Variants in STK3 observed in about 807,000 individuals in gnomAD.
The protein encoded by STK3 is serine/threonine-protein kinase 3.
Under a neutral mutation model 58.0 loss-of-function variants are expected in STK3, and 41 were observed. The ratio of observed to expected loss-of-function variants is 0.71; its 90% confidence interval spans 0.55 to 0.92. The LOEUF (loss-of-function observed/expected upper bound fraction) is 0.92. Ranked by LOEUF, STK3 falls within the 40% of genes least tolerant of loss-of-function variation. The probability of loss-of-function intolerance (pLI) is 0.00; values close to 1 mark genes in which losing one functional copy is unlikely to be tolerated. For missense variants in STK3, 479 were observed against 602.7 expected (o/e 0.79, Z 2.15); for synonymous variants, 170 against 191.0 (o/e 0.89, Z 0.91).
intron 6 of STK3, among the ~76,000 whole-genome samples, chr8:98,641,802 C>T (rs1313622025): frequency 1.3e-5 from 2 of 152,174 alleles, no homozygotes; most frequent in Non-Finnish European, 2.9e-5. Flanking sequence ...CTGAGTACAA[C>T]ATCACAAGGA....
intron 8 of STK3, among the ~76,000 whole-genome samples, chr8:98,569,617 T>G (rs1812790707): frequency 6.6e-6 from 1 of 152,016 alleles, no homozygotes; most frequent in Admixed American, 6.6e-5. Context: ...ACAACAACAG[T>G]AACAAAAACG....
At chr8:98,844,372 A>G (rs1836113918) in intron 3 of STK3, among the ~76,000 whole-genome samples, 1 of 152,206 alleles carries the variant, frequency 6.6e-6, no homozygotes, top group African/African-American at 2.4e-5. Context: ...ATATGATGTC[A>G]TTCTAGCCAA....
At chr8:98,941,669 G>C (rs914106019) in intron 1 of STK3, among the ~76,000 whole-genome samples, 1 of 152,206 alleles carries the variant, frequency 6.6e-6, no homozygotes, top group Admixed American at 6.5e-5. Context: ...TGGGTGGGCC[G>C]GGGGGCAGGG....
chr8:98,467,489 G>A (rs1251812055), intron 10 of STK3, among the ~76,000 whole-genome samples: 3 of 151,880 alleles, frequency 2.0e-5, no homozygotes, highest in Non-Finnish European at 4.4e-5. Flanking sequence ...TAACAATTTT[G>A]TGGTAACAGA....
intron 6 of STK3, among the ~76,000 whole-genome samples, chr8:98,624,612 G>T (rs1818572986): frequency 6.6e-6 from 1 of 152,190 alleles, no homozygotes; most frequent in Non-Finnish European, 1.5e-5. Context: ...AGCACTTTGG[G>T]AGACCAAGGC....
chr8:98,864,708 C>T (rs1837067535), intron 3 of STK3, among the ~76,000 whole-genome samples: 1 of 152,162 alleles, frequency 6.6e-6, no homozygotes, highest in South Asian at 2.1e-4. Context: ...ACTTGTTTAT[C>T]TGCTACATCA....
In STK3 at chr8:98,590,224, G is replaced by A. The variant is rs140578391; in HGVS notation, c.822+5808C>T. 8.6e-3 allele frequency among the ~76,000 whole-genome samples: 1,317 copies of A among 152,332 alleles called. 22 individuals carry two copies. Among genetic ancestry groups the A allele is most frequent in the African/African-American group, 0.031 (1,270 of 41,560 alleles). ...ATTTGCTATTTCTGTTGTTATGAGT[G>A]CTTCCAGGTGGTTGTCTTTGGATCT... On this transcript the variant is annotated intron_variant, in intron 7 of 10. Coordinates refer to ENST00000419617, the MANE Select transcript of STK3 (RefSeq NM_006281.4).
At chr8:98,859,073 A>C (rs1303153824) in intron 3 of STK3, among the ~76,000 whole-genome samples, 1 of 152,166 alleles carries the variant, frequency 6.6e-6, no homozygotes, top group African/African-American at 2.4e-5. Flanking sequence ...AAAGGGGAGA[A>C]ATAATGAATT....
At chr8:98,762,946 G>A (rs770516454) in intron 3 of STK3, among the ~76,000 whole-genome samples, 5 of 152,174 alleles carry the variant, frequency 3.3e-5, no homozygotes, top group Non-Finnish European at 5.9e-5. Flanking sequence ...CTAACTAGCA[G>A]TGTGATTTTG....
intron 3 of STK3, among the ~76,000 whole-genome samples, chr8:98,760,330 G>T (rs1029329500): frequency 6.6e-6 from 1 of 152,022 alleles, no homozygotes; most frequent in Admixed American, 6.5e-5. Context: ...TGTACAGACA[G>T]GGTCTCACTA....
chr8:98,354,903 G>A, the STK3 span, among the ~76,000 whole-genome samples: 4 of 152,196 alleles, frequency 2.6e-5, no homozygotes, highest in East Asian at 3.9e-4. Context: ...TCAGCCTCCC[G>A]AGTAGCTGGG....
chr8:98,664,490 T>C (rs1353472596), intron 6 of STK3, among the ~76,000 whole-genome samples: 1 of 152,190 alleles, frequency 6.6e-6, no homozygotes, highest in Non-Finnish European at 1.5e-5. Context: ...CTAATAATAC[T>C]ATTGCTGTAC....
intron 10 of STK3, among the ~76,000 whole-genome samples, chr8:98,501,023 G>A (rs552516439): frequency 2.6e-5 from 4 of 152,208 alleles, no homozygotes; most frequent in African/African-American, 9.6e-5. Flanking sequence ...TACACTCCCA[G>A]CAACAGTGTA....
the STK3 span, among the ~76,000 whole-genome samples, chr8:98,365,417 A>G: frequency 6.6e-6 from 1 of 152,204 alleles, no homozygotes; most frequent in Non-Finnish European, 1.5e-5. Context: ...TCCTTGATGA[A>G]GAGAAGGGAG....
At position 98,585,276 on chromosome 8, in the gene STK3, G is replaced by C. The variant is rs1175901959; in HGVS notation, c.823-5487C>G. ...CCATCTTGAATTAATTTTTGTATAA[G>C]GTGTAAGGAAGGGATCCAGTTTCAG... On this transcript the variant is annotated intron_variant, in intron 7 of 10. Transcript: ENST00000419617. 4.6e-5 allele frequency among the ~76,000 whole-genome samples: 7 copies of C among 152,126 alleles called. 1 individual carries two copies. Among genetic ancestry groups the C allele is most frequent in the Admixed American group, 1.3e-4 (2 of 15,264 alleles).
chr8:98,457,511 T>C (rs1266335266), intron 10 of STK3, among the ~76,000 whole-genome samples: 1 of 152,252 alleles, frequency 6.6e-6, no homozygotes, highest in Non-Finnish European at 1.5e-5. Context: ...TAAATTTCTA[T>C]GTAACACTCA....
chr8:98,859,854 G>A lies in STK3; in HGVS notation c.110+23793C>T, dbSNP rs563128873. Among the ~76,000 whole-genome samples the A allele has an allele frequency of 1.2e-4, 18 of 152,304 alleles. No homozygotes were observed. The East Asian group carries it at 3.3e-3, about 28-fold the overall frequency. On this transcript the variant is annotated intron_variant, in intron 3 of 12. Coordinates refer to the STK3 transcript ENST00000523601. ...AGGACGTTTATTGAGAAGTTACAAC[G>A]TGAAAGGCACTCTGCTGGGTTTAGG...
intron 10 of STK3, among the ~76,000 whole-genome samples, chr8:98,482,218 G>A (rs1472462329): frequency 6.6e-6 from 1 of 152,152 alleles, no homozygotes; most frequent in African/African-American, 2.4e-5. Context: ...TTCCAGATCA[G>A]TTATATGCTT....
At chr8:98,849,399 G>A (rs1267266318) in intron 3 of STK3, among the ~76,000 whole-genome samples, 1 of 152,020 alleles carries the variant, frequency 6.6e-6, no homozygotes, top group East Asian at 1.9e-4. Flanking sequence ...TTCTTAGATG[G>A]GGACAGAAGA....
Sources: gnomAD v4.1 joint callset for allele counts (sites outside exome capture counted in the v4.1 genomes callset) on GRCh38, gnomAD v4.1.1 for gene constraint, MANE v1.5 for transcripts, NCBI Gene and HGNC (gene_info 2026-07-23, HGNC 2026-07-21) for gene names.